Variants in CAMKMT observed in about 807,000 individuals in gnomAD.
CAMKMT encodes the protein calmodulin-lysine N-methyltransferase.
Under a neutral mutation model 48.0 loss-of-function variants are expected in CAMKMT, and 53 were observed. The ratio of observed to expected loss-of-function variants is 1.10; its 90% confidence interval spans 0.89 to 1.39. The LOEUF (loss-of-function observed/expected upper bound fraction) is 1.39. Among genes scored for constraint, CAMKMT ranks in the 40% most tolerant of loss-of-function variants. CAMKMT has a pLI of 0.00. For synonymous variants in CAMKMT, 165 were observed against 152.3 expected (o/e 1.08, Z -0.61); for missense variants, 428 against 402.7 (o/e 1.06, Z -0.54).
At chr2:44,586,133 AAT>A (rs1372875108) in intron 3 of CAMKMT, among the ~76,000 whole-genome samples, 1 of 152,198 alleles carries the variant, frequency 6.6e-6, no homozygotes, top group Admixed American at 6.5e-5. Flanking sequence ...TTGGAAACAG[AAT>A]AGGCAGCCTT....
chr2:44,476,241 T>C (rs1214555159), intron 3 of CAMKMT, among the ~76,000 whole-genome samples: 1 of 152,104 alleles, frequency 6.6e-6, no homozygotes, highest in Admixed American at 6.5e-5. Flanking sequence ...ATGAAGACAC[T>C]ACTAAAGTGG....
Position 44,362,840 on chromosome 2 carries a change from G to A in CAMKMT, c.138+695G>A, listed in dbSNP as rs1240720246. Among the ~76,000 whole-genome samples the A allele has an allele frequency of 2.6e-5, 4 of 152,174 alleles. No homozygotes were observed. In the East Asian group the frequency reaches 5.8e-4, roughly 22 times the overall value. ...TCTGCTGTTACTTACAACTCCACTC[G>A]TGCAAGCTTGACGGAAGTTCTGATT... On this transcript the variant is annotated intron_variant, in intron 1 of 10. Transcript: ENST00000378494.
At chr2:44,447,263 G>A (rs1475510017) in intron 3 of CAMKMT, among the ~76,000 whole-genome samples, 1 of 152,148 alleles carries the variant, frequency 6.6e-6, no homozygotes, top group Non-Finnish European at 1.5e-5. Context: ...ATAACTCATT[G>A]TCGAGTATGC....
Position 44,529,824 on chromosome 2 carries a change from A to T in CAMKMT, c.376+139519A>T, listed in dbSNP as rs148293434. 5.4e-4 allele frequency among the ~76,000 whole-genome samples: 82 copies of T among 152,348 alleles called. No homozygotes were observed. The East Asian group carries it at 8.1e-3, about 15-fold the overall frequency. On this transcript the variant is annotated intron_variant, in intron 3 of 10. Transcript: ENST00000378494. Reference sequence around the variant, plus strand: ...TGGACTTCTGTTGTTATTTACATGTATATGGAGAAAATTGCAATCTGTGAG... The same window carrying T: ...TGGACTTCTGTTGTTATTTACATGTTTATGGAGAAAATTGCAATCTGTGAG...
chr2:44,417,320 G>A (rs1350271048), intron 3 of CAMKMT, among the ~76,000 whole-genome samples: 1 of 152,034 alleles, frequency 6.6e-6, no homozygotes, highest in East Asian at 1.9e-4. Context: ...GCTTGAATCC[G>A]GGAGGCAGAG....
chr2:44,586,382 TA>T (rs11310796), intron 3 of CAMKMT, among the ~76,000 whole-genome samples: 93,436 of 151,456 alleles, frequency 0.62, 29,276 homozygotes, highest in Admixed American at 0.69. Flanking sequence ...ACAATCAAAA[TA>T]ATGAACATAT....
At chr2:44,590,608 G>T (rs1670202295) in intron 3 of CAMKMT, among the ~76,000 whole-genome samples, 1 of 151,988 alleles carries the variant, frequency 6.6e-6, no homozygotes, top group South Asian at 2.1e-4. Flanking sequence ...GGGGTTGTTT[G>T]TTTTTTTCTT....
intron 3 of CAMKMT, among the ~76,000 whole-genome samples, chr2:44,417,005 C>T (rs1683603885): frequency 6.6e-6 from 1 of 152,032 alleles, no homozygotes; most frequent in Non-Finnish European, 1.5e-5. Flanking sequence ...CTGATCATGG[C>T]TCACTGAAAC....
At chr2:44,492,653 C>A (rs951071476) in intron 3 of CAMKMT, among the ~76,000 whole-genome samples, 1 of 152,030 alleles carries the variant, frequency 6.6e-6, no homozygotes, top group Admixed American at 6.6e-5. Flanking sequence ...TGGGTTGGGC[C>A]TTCTTCACTG....
chr2:44,550,913 T>C (rs576303473), intron 3 of CAMKMT: 1 of 152,198 alleles, frequency 6.6e-6, no homozygotes, highest in African/African-American at 2.4e-5. Flanking sequence ...GAATGGGGCT[T>C]GAGACTAAAG....
At chr2:44,374,635 A>G (rs1167300135) in intron 2 of CAMKMT, among the ~76,000 whole-genome samples, 1 of 152,228 alleles carries the variant, frequency 6.6e-6, no homozygotes, top group Admixed American at 6.5e-5. Context: ...CCACTTGTAG[A>G]GATGATCCTC....
chr2:44,716,004 G>C (rs544538287), intron 7 of CAMKMT, among the ~76,000 whole-genome samples: 2 of 152,204 alleles, frequency 1.3e-5, no homozygotes, highest in South Asian at 4.2e-4. Context: ...CCACAACAAT[G>C]GTGTGTTCTG....
chr2:44,481,274 G>A (rs1460442964), intron 3 of CAMKMT, among the ~76,000 whole-genome samples: 1 of 152,026 alleles, frequency 6.6e-6, no homozygotes, highest in Non-Finnish European at 1.5e-5. Flanking sequence ...TTGAACACTT[G>A]TAATATTATA....
intron 3 of CAMKMT, among the ~76,000 whole-genome samples, chr2:44,699,289 AAAT>A (rs1416690126): frequency 6.6e-6 from 1 of 152,186 alleles, no homozygotes; most frequent in African/African-American, 2.4e-5. Flanking sequence ...TGTATTTCTG[AAAT>A]AATAAGATTT....
chr2:44,457,207 G>A (rs1667609730), intron 3 of CAMKMT: 1 of 152,052 alleles, frequency 6.6e-6, no homozygotes, highest in Admixed American at 6.5e-5. Context: ...TTCTTCCAGA[G>A]TTATTTTCTG....
At chr2:44,590,020 T>G (rs1441922826) in intron 3 of CAMKMT, among the ~76,000 whole-genome samples, 1 of 151,554 alleles carries the variant, frequency 6.6e-6, no homozygotes, top group Non-Finnish European at 1.5e-5. Context: ...ACATACTTGT[T>G]AGTTCTAGTC....
chr2:44,604,320 G>C (rs1388631120), intron 3 of CAMKMT, among the ~76,000 whole-genome samples: 1 of 152,060 alleles, frequency 6.6e-6, no homozygotes, highest in Non-Finnish European at 1.5e-5. Context: ...TCCCTACTGA[G>C]TTCATAACTA....
chr2:44,666,378 A>G (rs769569419), intron 3 of CAMKMT, among the ~76,000 whole-genome samples: 3 of 152,130 alleles, frequency 2.0e-5, no homozygotes, highest in Non-Finnish European at 4.4e-5. Context: ...CCACTGCACT[A>G]TCTATTCACA....
In CAMKMT at chr2:44,622,698, C is replaced by T. The variant is rs374454400; in HGVS notation, c.377-81585C>T. 3.0e-4 allele frequency among the ~76,000 whole-genome samples: 45 copies of T among 152,294 alleles called. No individual in the cohort carries two copies. The East Asian group carries it at 6.4e-3, about 22-fold the overall frequency. The stretch of plus-strand genomic sequence containing the variant: ...TATTTTTTATGGTTGCATAGTATTC[C>T]GTGGTATATATGTAACATATTTTCT... On this transcript the variant is annotated intron_variant, in intron 3 of 10. Coordinates refer to ENST00000378494, the MANE Select transcript of CAMKMT (RefSeq NM_024766.5).
Sources: gnomAD v4.1 joint callset for allele counts (sites outside exome capture counted in the v4.1 genomes callset) on GRCh38, gnomAD v4.1.1 for gene constraint, MANE v1.5 for transcripts, NCBI Gene and HGNC (gene_info 2026-07-23, HGNC 2026-07-21) for gene names.